Variants in DIS3L2 observed in about 807,000 individuals in gnomAD.
DIS3L2 encodes the protein DIS3-like exonuclease 2.
DIS3L2 carries 34 observed loss-of-function variants against 97.5 expected under a neutral mutation model. The ratio of observed to expected loss-of-function variants is 0.35; its 90% CI spans 0.27 to 0.46. DIS3L2 has a LOEUF of 0.46. DIS3L2 is among the 20% of genes least tolerant of loss of function. The probability of loss-of-function intolerance (pLI) is 1.00; values close to 1 mark genes in which losing one functional copy is unlikely to be tolerated. For synonymous variants in DIS3L2, 435 were observed against 445.2 expected (o/e 0.98, Z 0.29); for missense variants, 1,038 against 1,146.0 (o/e 0.91, Z 1.36).
At chr2:232,185,663 C>T (rs12477581) in intron 9 of DIS3L2, among the ~76,000 whole-genome samples, 15,768 of 151,988 alleles carry the variant, frequency 0.1, 950 homozygotes, top group African/African-American at 0.17. Flanking sequence ...GGTGAAACCT[C>T]GTCTCTACTA....
chr2:232,008,203 T>G (rs1199903365), intron 1 of DIS3L2, among the ~76,000 whole-genome samples: 1 of 151,424 alleles, frequency 6.6e-6, no homozygotes, highest in Non-Finnish European at 1.5e-5. Context: ...TTTTTTTTTT[T>G]TTTTAATAGG....
At chr2:232,148,753 T>C (rs922554540) in intron 8 of DIS3L2, among the ~76,000 whole-genome samples, 19 of 137,376 alleles carry the variant, frequency 1.4e-4, no homozygotes, top group South Asian at 1.1e-3. Flanking sequence ...TCTTTCTTTT[T>C]TTTTTTTTTT....
intron 5 of DIS3L2, among the ~76,000 whole-genome samples, chr2:232,066,472 A>C (rs978380341): frequency 6.6e-6 from 1 of 152,046 alleles, no homozygotes; most frequent in African/African-American, 2.4e-5. Flanking sequence ...TTGGTTTGCT[A>C]ATAATTTGTT....
At chr2:232,220,654 C>G (rs1270301736) in intron 10 of DIS3L2, among the ~76,000 whole-genome samples, 1 of 152,092 alleles carries the variant, frequency 6.6e-6, no homozygotes, top group Non-Finnish European at 1.5e-5. Flanking sequence ...TTGCAGTGAG[C>G]CAAGATCGCA....
At chr2:232,163,244 G>C (rs1041508073) in intron 8 of DIS3L2, among the ~76,000 whole-genome samples, 1 of 152,094 alleles carries the variant, frequency 6.6e-6, no homozygotes, top group African/African-American at 2.4e-5. Context: ...AATAAAAAAA[G>C]GTGAAATTAC....
At chr2:232,032,595 G>A (rs530468223) in intron 5 of DIS3L2, among the ~76,000 whole-genome samples, 1 of 152,126 alleles carries the variant, frequency 6.6e-6, no homozygotes, top group African/African-American at 2.4e-5. Flanking sequence ...GTCCTGAATG[G>A]TATTGCCTAG....
chr2:232,267,950 A>G lies in DIS3L2; in HGVS notation c.1659+4510A>G, dbSNP rs533163955. On this transcript the variant is annotated intron_variant, in intron 13 of 20. Transcript: ENST00000325385. ...TTATGAAAGTGTCTTGGGAATATTG[A>G]TTGATTTTTAGGAAGCTACACCTAC... is the stretch of plus-strand genomic sequence containing the variant. Among the ~76,000 whole-genome samples, 128 of 126,580 alleles carry G rather than the reference A, an allele frequency of 1.0e-3. 1 individual carries two copies. The highest frequency in any genetic ancestry group is 1.3e-3 in the Non-Finnish European group (81 of 60,388). 83.0% of individuals were successfully genotyped at this position (126,580 alleles called of 152,430 possible).
chr2:232,048,891 A>G (rs1695322603), intron 5 of DIS3L2, among the ~76,000 whole-genome samples: 1 of 152,192 alleles, frequency 6.6e-6, no homozygotes, highest in African/African-American at 2.4e-5. Flanking sequence ...TCAGCATTTC[A>G]TGTCTTTGCT....
intron 6 of DIS3L2, among the ~76,000 whole-genome samples, chr2:232,096,394 T>C (rs1697016371): frequency 6.6e-6 from 1 of 152,126 alleles, no homozygotes; most frequent in Admixed American, 6.5e-5. Context: ...CGCCTTGGGG[T>C]AGTTTTCTTT....
chr2:232,192,945 C>T (rs1286580342), intron 9 of DIS3L2, among the ~76,000 whole-genome samples: 1 of 152,184 alleles, frequency 6.6e-6, no homozygotes, highest in South Asian at 2.1e-4. Flanking sequence ...CTCTCTGCCT[C>T]TCCTACTTCA....
At chr2:232,082,079 C>T (rs958205476) in intron 5 of DIS3L2, among the ~76,000 whole-genome samples, 10 of 152,276 alleles carry the variant, frequency 6.6e-5, no homozygotes, top group Middle Eastern at 3.4e-3. Flanking sequence ...CATGAGCCAC[C>T]GTGCCCGGCC....
chr2:232,246,642 G>A (rs1693256564), intron 11 of DIS3L2, among the ~76,000 whole-genome samples: 1 of 152,222 alleles, frequency 6.6e-6, no homozygotes, highest in Non-Finnish European at 1.5e-5. Flanking sequence ...TCTCTCAGGT[G>A]GCAAAGCCTT....
intron 10 of DIS3L2, among the ~76,000 whole-genome samples, chr2:232,221,393 T>C (rs1692503519): frequency 6.6e-6 from 1 of 152,238 alleles, no homozygotes; most frequent in South Asian, 2.1e-4. Flanking sequence ...TCTTCAATTT[T>C]CAGGAAGGGC....
At chr2:232,125,397 G>C (rs764013040) in intron 6 of DIS3L2, among the ~76,000 whole-genome samples, 6 of 152,138 alleles carry the variant, frequency 3.9e-5, no homozygotes, top group African/African-American at 1.2e-4. Flanking sequence ...ATAATATCTT[G>C]ATACAGGTTT....
chr2:231,976,765 CTTTTTTTTTTT>C (rs34911392), intron 1 of DIS3L2, among the ~76,000 whole-genome samples: 1 of 124,470 alleles, frequency 8.0e-6, no homozygotes, highest in African/African-American at 3.2e-5. Context: ...AACACGAAGC[CTTTTTTTTTTT>C]TTTTTTTTTG....
At chr2:232,185,269 C>T (rs1559713841) in intron 9 of DIS3L2, among the ~76,000 whole-genome samples, 1 of 152,082 alleles carries the variant, frequency 6.6e-6, no homozygotes, top group Non-Finnish European at 1.5e-5. Flanking sequence ...TATGGAACTA[C>T]AAACTAGAAA....
intron 5 of DIS3L2, among the ~76,000 whole-genome samples, chr2:232,079,633 AAAG>A (rs1315165251): frequency 6.6e-6 from 1 of 151,276 alleles, no homozygotes; most frequent in African/African-American, 2.4e-5. Flanking sequence ...AAAGTAAAGA[AAAG>A]AAAGTAAAGC....
At chr2:232,020,100 A>AT (rs1694470904) in intron 3 of DIS3L2, among the ~76,000 whole-genome samples, 2 of 152,172 alleles carry the variant, frequency 1.3e-5, no homozygotes, top group South Asian at 4.1e-4. Flanking sequence ...CTGTTGGAAC[A>AT]TTGTGAGCAA....
At chr2:232,205,211 C>CACATATATATATAT (rs1553615756) in intron 9 of DIS3L2, among the ~76,000 whole-genome samples, 5 of 140,560 alleles carry the variant, frequency 3.6e-5, no homozygotes, top group African/African-American at 1.3e-4. Flanking sequence ...AGGCAGTTTA[C>CACATATATATATAT]ATATATATAT....
Sources: gnomAD v4.1 joint callset for allele counts (sites outside exome capture counted in the v4.1 genomes callset) on GRCh38, gnomAD v4.1.1 for gene constraint, MANE v1.5 for transcripts, NCBI Gene and HGNC (gene_info 2026-07-23, HGNC 2026-07-21) for gene names.